NKAIN1: variants seen among roughly 807,000 people sequenced by gnomAD.
The protein encoded by NKAIN1 is sodium/potassium-transporting ATPase subunit beta-1-interacting protein 1.
NKAIN1 carries 13 observed loss-of-function variants against 31.6 expected under a neutral mutation model. The ratio of observed to expected loss-of-function variants is 0.41; its 90% CI spans 0.27 to 0.65. The LOEUF is 0.65. Ranked by LOEUF, NKAIN1 falls within the 30% of genes least tolerant of loss-of-function variation. The probability of loss-of-function intolerance (pLI) is 0.30; values close to 1 mark genes in which losing one functional copy is unlikely to be tolerated. For missense variants in NKAIN1, 193 were observed against 262.2 expected (o/e 0.74, Z 1.82); for synonymous variants, 104 against 109.0 (o/e 0.95, Z 0.28).
chr1:31,197,213 G>C (rs1033369262), intron 1 of NKAIN1, among the ~76,000 whole-genome samples: 2 of 149,226 alleles, frequency 1.3e-5, no homozygotes, highest in Non-Finnish European at 3.0e-5. Context: ...CCAGGTTCAC[G>C]CCATTCTCCT....
At chr1:31,196,315 C>G (rs1645326252) in intron 1 of NKAIN1, among the ~76,000 whole-genome samples, 1 of 152,096 alleles carries the variant, frequency 6.6e-6, no homozygotes, top group Non-Finnish European at 1.5e-5. Flanking sequence ...AGATCGAGAC[C>G]ATCCTGGCTA....
chr1:31,226,045 G>A (rs1294366080), intron 1 of NKAIN1, among the ~76,000 whole-genome samples: 2 of 152,232 alleles, frequency 1.3e-5, no homozygotes, highest in Admixed American at 1.3e-4. Flanking sequence ...TTCACCCAGG[G>A]AATATAAAAG....
At chr1:31,182,196 C>T (rs1473929776) in intron 5 of NKAIN1, among the ~76,000 whole-genome samples, 1 of 151,994 alleles carries the variant, frequency 6.6e-6, no homozygotes, top group Admixed American at 6.6e-5. Flanking sequence ...GGCCCCAGTC[C>T]TTAAGGCTTG....
rs929733722 is a variant in NKAIN1, at chr1:31,233,115, A to G, written c.54+6379T>C. On this transcript the variant is annotated intron_variant, in intron 1 of 6. Transcript: ENST00000373736. The surrounding 1 kb of genome is among the most constrained non-coding windows in gnomAD (Gnocchi z 4.0). The stretch of plus-strand genomic sequence containing the variant: ...AGGTGCCCACCACCACGCTCGGCTA[A>G]TTTTTTGTATTTTTAGTAGAGATGC... Among the ~76,000 whole-genome samples, 7 of 151,996 alleles carry G rather than the reference A, an allele frequency of 4.6e-5. No homozygotes were observed. The highest frequency in any genetic ancestry group is 1.0e-4 in the Non-Finnish European group (7 of 67,996).
rs1310949316 is a variant in NKAIN1 at position 31,183,975 on chromosome 1, G to A, written c.313C>T (p.Arg105Cys). Residue 105 changes from arginine (R) to cysteine (C), a missense_variant, in exon 4 of 7, where the codon CGC becomes TGC. Coordinates refer to ENST00000373736, the MANE Select transcript of NKAIN1 (RefSeq NM_024522.3). ...GGCCCATTCTCCATCCACCAGGAGC[G>A]GTGCAGGGATGTGTTGAAGGTCATG... ...FIMTFNTSLH[R>C]SWWMENGPGC... 6.2e-7 allele frequency: 1 copy of A among 1,614,080 alleles called. No individual in the cohort carries two copies. Among genetic ancestry groups the A allele is most frequent in the Non-Finnish European group, 8.5e-7 (1 of 1,180,020 alleles).
Position 31,239,424 on chromosome 1 carries a change from C to T in NKAIN1, c.54+70G>A. On this transcript the variant is annotated intron_variant, in intron 1 of 6. Coordinates refer to ENST00000373736, the MANE Select transcript of NKAIN1 (RefSeq NM_024522.3). The surrounding 1 kb of genome is among the most constrained non-coding windows in gnomAD (Gnocchi z 4.8). ...ACACACAGAGACACACGCAACCCCACCCGCACGCCCTGGGACCGCGCCCCG... is the reference window on the plus strand; with the variant it reads ...ACACACAGAGACACACGCAACCCCATCCGCACGCCCTGGGACCGCGCCCCG... The T allele has an allele frequency of 1.6e-6, 2 of 1,240,904 alleles. No homozygotes were observed. Among genetic ancestry groups the T allele is most frequent in the Non-Finnish European group, 2.1e-6 (2 of 943,624 alleles). The allele number at this position is 1,240,904 out of a possible 1,614,324, so 76.9% of individuals were successfully genotyped here.
chr1:31,198,626 C>T (rs1392781747), intron 1 of NKAIN1, among the ~76,000 whole-genome samples: 1 of 152,118 alleles, frequency 6.6e-6, no homozygotes, highest in Non-Finnish European at 1.5e-5. Context: ...ACCCCCCTGC[C>T]CTCCACCCTA....
At chr1:31,220,710 G>A (rs1049229846) in intron 1 of NKAIN1, among the ~76,000 whole-genome samples, 1 of 143,068 alleles carries the variant, frequency 7.0e-6, no homozygotes, top group African/African-American at 2.7e-5. Context: ...AGCCAAGATA[G>A]TGCCACTGCA....
chr1:31,196,242 G>A lies in NKAIN1; in HGVS notation c.55-8055C>T, dbSNP rs977725962. ...AAAAATACAAAAATTGGCCGGGTGC[G>A]GTGGCTCACGCCTGTAATCCCAGCA... On this transcript the variant is annotated intron_variant, in intron 1 of 6. Transcript: ENST00000373736. Among the ~76,000 whole-genome samples the A allele has an allele frequency of 1.2e-4, 18 of 151,758 alleles. No homozygotes were observed. In the Middle Eastern group the frequency reaches 0.01, roughly 86 times the overall value.
chr1:31,192,274 T>C (rs890938522), intron 1 of NKAIN1, among the ~76,000 whole-genome samples: 16 of 152,326 alleles, frequency 1.1e-4, no homozygotes, highest in African/African-American at 3.6e-4. Context: ...CATTTATCTA[T>C]AACCAGCTAG....
chr1:31,181,792 C>T (rs1645200249), intron 6 of NKAIN1, 68 bp downstream of exon 6: 8 of 1,560,216 alleles, frequency 5.1e-6, no homozygotes, highest in South Asian at 1.2e-5. Context: ...CTGCCCACTC[C>T]TCCATCCCCT....
chr1:31,231,910 G>A (rs982158563), intron 1 of NKAIN1, among the ~76,000 whole-genome samples: 1 of 150,096 alleles, frequency 6.7e-6, no homozygotes, highest in Non-Finnish European at 1.5e-5. Context: ...GCTGGAACTA[G>A]CTTTTTTTTT....
chr1:31,184,498 G>C (rs1239494073), intron 3 of NKAIN1, among the ~76,000 whole-genome samples: 1 of 152,138 alleles, frequency 6.6e-6, no homozygotes, highest in Non-Finnish European at 1.5e-5. Flanking sequence ...CTGCCGACCA[G>C]GGGCCAAGCA....
intron 1 of NKAIN1, among the ~76,000 whole-genome samples, chr1:31,208,118 G>A (rs1183692869): frequency 2.0e-5 from 3 of 152,086 alleles, no homozygotes; most frequent in Non-Finnish European, 4.4e-5. Flanking sequence ...ACCGATGATG[G>A]CTGAGATGTG....
At chr1:31,183,717 G>C in intron 4 of NKAIN1, 100 bp downstream of exon 4, 1 of 1,276,998 alleles carries the variant, frequency 7.8e-7, no homozygotes, top group Admixed American at 2.1e-5. Flanking sequence ...CAAAGTGCTG[G>C]GATTGCAGGC....
intron 4 of NKAIN1, among the ~76,000 whole-genome samples, chr1:31,183,079 T>C (rs574917517): frequency 1.3e-5 from 2 of 152,170 alleles, no homozygotes; most frequent in South Asian, 4.2e-4. Context: ...AGCTTCAACC[T>C]CCTGGGCTCA....
chr1:31,236,834 C>T (rs1645695898), intron 1 of NKAIN1, among the ~76,000 whole-genome samples: 1 of 152,154 alleles, frequency 6.6e-6, no homozygotes, highest in Admixed American at 6.5e-5. Flanking sequence ...GAGAGACACT[C>T]TACCACCTTC....
intron 1 of NKAIN1, among the ~76,000 whole-genome samples, chr1:31,218,451 G>C (rs115006964): frequency 0.062 from 9,436 of 152,150 alleles, 414 homozygotes; most frequent in Admixed American, 0.16. Context: ...TTGCTGGATG[G>C]CTCTAAGAGG....
intron 1 of NKAIN1, among the ~76,000 whole-genome samples, chr1:31,198,775 C>G (rs1484365513): frequency 7.2e-6 from 1 of 139,648 alleles, no homozygotes; most frequent in Non-Finnish European, 1.5e-5. Context: ...AAGGGGGATG[C>G]CGTTGCCATA....
Sources: allele counts gnomAD v4.1 joint callset (sites outside exome capture counted in the v4.1 genomes callset), GRCh38; gene constraint gnomAD v4.1.1; non-coding constraint Gnocchi (gnomAD v3.1); transcripts MANE v1.5; gene names NCBI Gene and HGNC (gene_info 2026-07-23, HGNC 2026-07-21).